The following DIAPH3 variants were observed in gnomAD, a reference collection of about 807,000 sequenced individuals.
DIAPH3 encodes the protein diaphanous related formin 3.
DIAPH3 carries 117 observed loss-of-function variants against 144.3 expected under a neutral mutation model. The ratio of observed to expected loss-of-function variants is 0.81; its 90% CI spans 0.70 to 0.95. DIAPH3 has a LOEUF of 0.95. Ranked by LOEUF, DIAPH3 falls within the 40% of genes least tolerant of loss-of-function variation. The probability of loss-of-function intolerance (pLI) is 0.00; values close to 1 mark genes in which losing one functional copy is unlikely to be tolerated. For missense variants in DIAPH3, 1,421 were observed against 1,412.7 expected, an observed-to-expected ratio of 1.01 and a Z score of -0.09; for synonymous variants, 519 against 488.9, an observed-to-expected ratio of 1.06 and a Z score of -0.81.
At chr13:59,865,345 G>C (rs747019664) in intron 21 of DIAPH3, among the ~76,000 whole-genome samples, 65 of 151,888 alleles carry the variant, frequency 4.3e-4, no homozygotes, top group Non-Finnish European at 8.4e-4. Flanking sequence ...GTAAAGCTTG[G>C]AATACAGTGT....
chr13:59,868,485 T>C (rs1446666689), intron 21 of DIAPH3, among the ~76,000 whole-genome samples: 3 of 152,224 alleles, frequency 2.0e-5, no homozygotes, highest in Non-Finnish European at 4.4e-5. Flanking sequence ...TACCCTTCCC[T>C]ACACACACAC....
At chr13:60,148,534 G>T (rs550544276) in intron 1 of DIAPH3, among the ~76,000 whole-genome samples, 29 of 152,250 alleles carry the variant, frequency 1.9e-4, no homozygotes, top group African/African-American at 6.5e-4. Context: ...AAAAGCTAAA[G>T]AAATGGATGA....
At chr13:59,943,343 G>T (rs568968354) in intron 17 of DIAPH3, among the ~76,000 whole-genome samples, 136 of 152,194 alleles carry the variant, frequency 8.9e-4, no homozygotes, top group African/African-American at 3.2e-3. Context: ...ACAAGAAATC[G>T]GCTTCCTGCT....
intron 4 of DIAPH3, among the ~76,000 whole-genome samples, chr13:60,068,822 ATTC>A (rs2057080948): frequency 6.6e-6 from 1 of 152,106 alleles, no homozygotes; most frequent in African/African-American, 2.4e-5. Context: ...TCATGATTTC[ATTC>A]TTTTTTATGC....
chr13:59,779,657 G>A (rs1353852628), intron 25 of DIAPH3, among the ~76,000 whole-genome samples: 11 of 151,744 alleles, frequency 7.2e-5, no homozygotes, highest in African/African-American at 1.9e-4. Flanking sequence ...GATTACAGGC[G>A]TGCCCCACCA....
At chr13:60,062,962 C>G (rs1233315796) in intron 4 of DIAPH3, among the ~76,000 whole-genome samples, 1 of 152,196 alleles carries the variant, frequency 6.6e-6, no homozygotes, top group Admixed American at 6.5e-5. Context: ...ATTAAGGTAG[C>G]TGTGGCAATT....
intron 23 of DIAPH3, among the ~76,000 whole-genome samples, chr13:59,834,900 T>C (rs2041965397): frequency 6.6e-6 from 1 of 151,746 alleles, no homozygotes; most frequent in African/African-American, 2.4e-5. Flanking sequence ...ATCACTGTCA[T>C]CTTCCCATTT....
At chr13:59,716,108 A>G (rs918089221) in intron 27 of DIAPH3, among the ~76,000 whole-genome samples, 1 of 152,198 alleles carries the variant, frequency 6.6e-6, no homozygotes, top group Non-Finnish European at 1.5e-5. Flanking sequence ...TTAAGTTAAA[A>G]TGCATTAATA....
intron 25 of DIAPH3, among the ~76,000 whole-genome samples, chr13:59,778,581 C>T (rs1424635618): frequency 6.6e-6 from 1 of 152,224 alleles, no homozygotes; most frequent in African/African-American, 2.4e-5. Context: ...TACATTCCCG[C>T]CACCATTCTA....
At chr13:59,670,382 C>T (rs1402822101) in intron 27 of DIAPH3, among the ~76,000 whole-genome samples, 2 of 152,184 alleles carry the variant, frequency 1.3e-5, no homozygotes, top group Non-Finnish European at 1.5e-5. Context: ...CTCACATTAG[C>T]TCTCAGCACC....
intron 4 of DIAPH3, among the ~76,000 whole-genome samples, chr13:60,085,133 T>C (rs1029331806): frequency 8.5e-5 from 13 of 152,126 alleles, no homozygotes; most frequent in African/African-American, 2.7e-4. Flanking sequence ...ATCTGTTCTA[T>C]TGGGCATCTT....
chr13:60,042,858 C>A, intron 4 of DIAPH3, 38 bp from the exon 5 acceptor site: 1 of 1,606,542 alleles, frequency 6.2e-7, no homozygotes, highest in Non-Finnish European at 8.5e-7. Flanking sequence ...ATTAATACTG[C>A]ATGGAGATTA....
At chr13:60,015,388 C>T (rs2053569252) in intron 7 of DIAPH3, among the ~76,000 whole-genome samples, 1 of 152,150 alleles carries the variant, frequency 6.6e-6, no homozygotes, top group Non-Finnish European at 1.5e-5. Flanking sequence ...TGCTCTATTT[C>T]TGAGACCTGC....
intron 21 of DIAPH3, among the ~76,000 whole-genome samples, chr13:59,862,423 G>C (rs767468447): frequency 2.6e-5 from 4 of 152,176 alleles, no homozygotes; most frequent in Non-Finnish European, 4.4e-5. Flanking sequence ...AGAGTACTAA[G>C]AGAAGCATGA....
At chr13:60,150,184 G>A (rs1951719498) in intron 1 of DIAPH3, among the ~76,000 whole-genome samples, 3 of 151,994 alleles carry the variant, frequency 2.0e-5, no homozygotes, top group Admixed American at 2.0e-4. Context: ...ACCACGCCAG[G>A]CTAACGTTTT....
chr13:60,050,822 T>C (rs2056308870), intron 4 of DIAPH3, among the ~76,000 whole-genome samples: 1 of 34,468 alleles, frequency 2.9e-5, no homozygotes, highest in South Asian at 7.5e-4. Flanking sequence ...AGAAACAACG[T>C]GAAACAAGGA....
chr13:59,864,279 T>C (rs1487922906), intron 21 of DIAPH3, among the ~76,000 whole-genome samples: 1 of 152,114 alleles, frequency 6.6e-6, no homozygotes. Flanking sequence ...AGTTTTCTCT[T>C]TGCACAGCCA....
chr13:60,163,558 G>A (rs1382400291), intron 1 of DIAPH3, 29 bp downstream of exon 1: 1 of 1,567,366 alleles, frequency 6.4e-7, no homozygotes, highest in Non-Finnish European at 8.7e-7. Context: ...GGCGGGAGCG[G>A]CCCCACCCTA....
intron 9 of DIAPH3, among the ~76,000 whole-genome samples, chr13:60,005,221 T>G (rs1239898009): frequency 6.6e-6 from 1 of 151,220 alleles, no homozygotes; most frequent in East Asian, 2.1e-4. Flanking sequence ...TCTAAAATAT[T>G]TTGCTATTAA....
Sources: gnomAD v4.1 joint callset for allele counts (sites outside exome capture counted in the v4.1 genomes callset) on GRCh38, gnomAD v4.1.1 for gene constraint, MANE v1.5 for transcripts, NCBI Gene and HGNC (gene_info 2026-07-23, HGNC 2026-07-21) for gene names.